The following DPYD variants were observed in gnomAD, a reference collection of about 807,000 sequenced individuals.
DPYD encodes the protein dihydropyrimidine dehydrogenase, also known as dihydropyrimidine dehydrogenase [NADP(+)].
DPYD carries 109 observed loss-of-function variants against 116.2 expected under a neutral mutation model. The ratio of observed to expected loss-of-function variants is 0.94; its 90% CI spans 0.80 to 1.10. The LOEUF (loss-of-function observed/expected upper bound fraction) is 1.10. Among genes scored for constraint, DPYD ranks in the 50% least tolerant of loss-of-function variants. The pLI is 0.00. For synonymous variants in DPYD, 440 were observed against 432.0 expected (o/e 1.02, Z -0.23); for missense variants, 1,302 against 1,254.5 (o/e 1.04, Z -0.57).
chr1:97,259,485 G>A (rs1663730447), intron 18 of DPYD, among the ~76,000 whole-genome samples: 2 of 151,966 alleles, frequency 1.3e-5, no homozygotes, highest in South Asian at 4.1e-4. Flanking sequence ...TGCCCCTCCT[G>A]CCTCAGCCTC....
intron 2 of DPYD, among the ~76,000 whole-genome samples, chr1:97,842,936 A>T (rs1388150656): frequency 1.3e-5 from 2 of 152,030 alleles, no homozygotes; most frequent in East Asian, 1.9e-4. Flanking sequence ...CTTGGTGGAG[A>T]TGTTCAATAA....
At chr1:97,634,704 C>A (rs762627281) in intron 8 of DPYD, among the ~76,000 whole-genome samples, 2 of 151,932 alleles carry the variant, frequency 1.3e-5, no homozygotes, top group Non-Finnish European at 2.9e-5. Flanking sequence ...AAGAGAAACA[C>A]TATTTGAAAA....
At chr1:97,680,564 T>C (rs1204599647) in intron 7 of DPYD, among the ~76,000 whole-genome samples, 6 of 152,158 alleles carry the variant, frequency 3.9e-5, no homozygotes, top group Non-Finnish European at 8.8e-5. Flanking sequence ...TCAGAAATAG[T>C]TCAGAGTCAC....
Position 97,360,589 on chromosome 1 carries a change from A to G in DPYD, c.2058+12972T>C, listed in dbSNP as rs549491380. ...CCTCAGCAAATGGAAAAGAACAGAA[A>G]TCACAACAAACTGTCTCTCAGACCA... On this transcript the variant is annotated intron_variant, in intron 16 of 22. Coordinates refer to ENST00000370192, the MANE Select transcript of DPYD (RefSeq NM_000110.4). Among the ~76,000 whole-genome samples, 40 of 152,350 alleles carry G rather than the reference A, an allele frequency of 2.6e-4. 3 individuals are homozygous for G. The South Asian group carries it at 8.1e-3, about 31-fold the overall frequency.
chr1:97,234,735 C>T (rs1174779386), intron 19 of DPYD, 117 bp downstream of exon 19: 2 of 1,289,316 alleles, frequency 1.6e-6, no homozygotes, highest in African/African-American at 2.9e-5. Flanking sequence ...ATTTTGATCC[C>T]AAATGGCCTC....
At chr1:97,521,167 G>T (rs1648629760) in intron 12 of DPYD, among the ~76,000 whole-genome samples, 1 of 152,150 alleles carries the variant, frequency 6.6e-6, no homozygotes, top group Non-Finnish European at 1.5e-5. Flanking sequence ...TTATCGCCAT[G>T]CTAACTGGCG....
intron 3 of DPYD, among the ~76,000 whole-genome samples, chr1:97,815,047 G>C (rs114109693): frequency 0.015 from 2,284 of 149,764 alleles, 67 homozygotes; most frequent in African/African-American, 0.054. Flanking sequence ...AGGAGAGAGA[G>C]AGAAAGAGGG....
chr1:97,720,869 G>A, intron 5 of DPYD: 1 of 1,608,908 alleles, frequency 6.2e-7, no homozygotes, highest in African/African-American at 1.3e-5. Context: ...GCCCAAGAGT[G>A]TCTGAAGAAT....
chr1:97,269,301 T>C (rs982444581), intron 18 of DPYD, among the ~76,000 whole-genome samples: 2 of 152,198 alleles, frequency 1.3e-5, no homozygotes, highest in African/African-American at 4.8e-5. Context: ...TAAGAAGATT[T>C]AGGCTCTCCC....
At chr1:97,876,124 T>G (rs894384396) in intron 2 of DPYD, among the ~76,000 whole-genome samples, 4 of 152,014 alleles carry the variant, frequency 2.6e-5, no homozygotes, top group African/African-American at 4.8e-5. Flanking sequence ...CATTATCAAG[T>G]GTTCCAAAAC....
intron 5 of DPYD, chr1:97,720,858 A>G (rs1662883282): frequency 6.2e-7 from 1 of 1,605,722 alleles, no homozygotes; most frequent in Non-Finnish European, 8.5e-7. Context: ...GACGTCAGAG[A>G]GCCCAAGAGT....
intron 16 of DPYD, among the ~76,000 whole-genome samples, chr1:97,310,147 T>C (rs1201460581): frequency 1.3e-5 from 2 of 151,800 alleles, no homozygotes; most frequent in Non-Finnish European, 2.9e-5. Flanking sequence ...TCTTAGAATC[T>C]GGCATTTCAA....
At chr1:97,640,686 G>A (rs1310284358) in intron 8 of DPYD, among the ~76,000 whole-genome samples, 1 of 152,122 alleles carries the variant, frequency 6.6e-6, no homozygotes, top group Non-Finnish European at 1.5e-5. Flanking sequence ...ACAGGCTTGA[G>A]GGCTTTCCCT....
intron 16 of DPYD, among the ~76,000 whole-genome samples, chr1:97,351,508 C>T (rs1670142158): frequency 6.6e-6 from 1 of 151,944 alleles, no homozygotes; most frequent in African/African-American, 2.4e-5. Context: ...AAACACTGAA[C>T]TGGAAATTTA....
At chr1:97,277,745 T>C (rs1473385000) in intron 18 of DPYD, among the ~76,000 whole-genome samples, 11 of 152,170 alleles carry the variant, frequency 7.2e-5, no homozygotes, top group Admixed American at 7.2e-4. Context: ...AATTGCCCTG[T>C]CCCCATTCTT....
intron 7 of DPYD, among the ~76,000 whole-genome samples, chr1:97,686,858 A>T (rs1660764496): frequency 2.0e-5 from 3 of 152,070 alleles, no homozygotes; most frequent in Admixed American, 2.0e-4. Flanking sequence ...CAGAGTGAAG[A>T]GGCAACCTAC....
chr1:97,875,576 C>A (rs1671871231), intron 2 of DPYD, among the ~76,000 whole-genome samples: 1 of 151,896 alleles, frequency 6.6e-6, no homozygotes, highest in Non-Finnish European at 1.5e-5. Context: ...AAGACTCCAC[C>A]TCAACTTCAA....
At chr1:97,502,512 T>C (rs993301444) in intron 13 of DPYD, among the ~76,000 whole-genome samples, 1 of 151,996 alleles carries the variant, frequency 6.6e-6, no homozygotes, top group African/African-American at 2.4e-5. Flanking sequence ...GATTTTATTT[T>C]AAGGGCTAAG....
At chr1:97,574,106 G>T in intron 10 of DPYD, 136 bp from the exon 11 acceptor site, 1 of 1,430,402 alleles carries the variant, frequency 7.0e-7, no homozygotes, top group Non-Finnish European at 9.4e-7. Context: ...CCAAACCTGA[G>T]TTTCAGTTAC....
Sources: gnomAD v4.1 joint callset for allele counts (sites outside exome capture counted in the v4.1 genomes callset) on GRCh38, gnomAD v4.1.1 for gene constraint, MANE v1.5 for transcripts, NCBI Gene and HGNC (gene_info 2026-07-23, HGNC 2026-07-21) for gene names.